USP36: variants seen among roughly 807,000 people sequenced by gnomAD.
USP36 encodes ubiquitin specific peptidase 36, also known as ubiquitin carboxyl-terminal hydrolase 36.
A neutral mutation model predicts 111.5 loss-of-function variants in USP36; 59 were observed. The observed-to-expected ratio is 0.53, with a 90% CI of 0.43 to 0.66. The LOEUF (loss-of-function observed/expected upper bound fraction) is 0.66. USP36 is among the 30% of genes least tolerant of loss of function. The pLI is 0.00. For missense variants in USP36, 1,488 were observed against 1,468.0 expected (o/e 1.01, Z -0.22); for synonymous variants, 628 against 581.0 (o/e 1.08, Z -1.16).
rs1022644466 is a variant in USP36 at position 78,797,345 on chromosome 17, G to A, written c.*555C>T. On this transcript the variant is annotated 3_prime_UTR_variant, in exon 21 of 21. Transcript: ENST00000449938. ...CCTCTCGAGTTCCATAAAAGGGAGAGGTGGCTGGGTGGGGTCACCTCTTCC... is the reference window on the plus strand; with the variant it reads ...CCTCTCGAGTTCCATAAAAGGGAGAAGTGGCTGGGTGGGGTCACCTCTTCC... The A allele has an allele frequency of 3.9e-5, 6 of 152,268 alleles. No individual in the cohort carries two copies. The highest frequency in any genetic ancestry group is 8.8e-5 in the Non-Finnish European group (6 of 68,060). 9.4% of individuals were successfully genotyped at this position (152,268 alleles called of 1,614,324 possible).
chr17:78,815,722 G>A (rs996368634), intron 10 of USP36, among the ~76,000 whole-genome samples: 6 of 151,508 alleles, frequency 4.0e-5, no homozygotes, highest in Non-Finnish European at 8.8e-5. Flanking sequence ...AAAAATACAC[G>A]CACACATATA....
intron 3 of USP36, among the ~76,000 whole-genome samples, chr17:78,787,847 G>C (rs1391189231): frequency 2.0e-5 from 3 of 152,216 alleles, no homozygotes; most frequent in Non-Finnish European, 2.9e-5. Context: ...ATTAGGGTGG[G>C]ACCTAATCAA....
downstream of USP36, among the ~76,000 whole-genome samples, chr17:78,793,607 C>T (rs762023456): frequency 3.9e-5 from 6 of 152,156 alleles, no homozygotes; most frequent in Admixed American, 6.5e-5. Flanking sequence ...CTGCATGTCA[C>T]GTGACCTGTC....
chr17:78,841,178 C>T (rs540585589), upstream of USP36: 33 of 152,434 alleles, frequency 2.2e-4, no homozygotes, highest in South Asian at 8.3e-4. Context: ...CGCCCCAGAA[C>T]GGGGACTCGA....
chr17:78,839,720 C>T (rs1051857407), intron 1 of USP36, among the ~76,000 whole-genome samples: 1 of 152,222 alleles, frequency 6.6e-6, no homozygotes, highest in Non-Finnish European at 1.5e-5. Context: ...CCACCTAAAA[C>T]ATTAAGCAAT....
intron 10 of USP36, among the ~76,000 whole-genome samples, chr17:78,815,161 G>A (rs1316147560): frequency 1.3e-5 from 2 of 151,926 alleles, no homozygotes; most frequent in African/African-American, 2.4e-5. Flanking sequence ...GCGAAACCTT[G>A]TCTCTACTAA....
At chr17:78,802,690 C>T (rs1403942232) in intron 16 of USP36, among the ~76,000 whole-genome samples, 155 bp from the exon 17 acceptor site, 8 of 152,166 alleles carry the variant, frequency 5.3e-5, no homozygotes, top group Non-Finnish European at 1.0e-4. Context: ...CACGCATTAG[C>T]GGACGCTCCA....
rs1231781818 is a variant in USP36 at position 78,806,887 on chromosome 17, C to T, written c.2085+72G>A. On this transcript the variant is annotated intron_variant, in intron 14 of 20. Coordinates refer to ENST00000449938, the MANE Select transcript of USP36 (RefSeq NM_001385174.1). ...AGCCCCCGGACAATGTTCTCACTCC[C>T]TTCAAACCACAACCAAGCAACTCTT... 2.7e-5 allele frequency: 43 copies of T among 1,564,090 alleles called. 1 individual carries two copies. Among genetic ancestry groups the T allele is most frequent in the Admixed American group, 2.3e-4 (13 of 55,486 alleles).
intron 6 of USP36, chr17:78,823,320 T>C: frequency 2.5e-6 from 1 of 397,088 alleles, no homozygotes; most frequent in Non-Finnish European, 4.4e-6. Flanking sequence ...CTGCGTGTGA[T>C]GGCGGCTACC....
intron 15 of USP36, among the ~76,000 whole-genome samples, chr17:78,805,440 T>C (rs1395374289): frequency 6.6e-6 from 1 of 152,136 alleles, no homozygotes; most frequent in Non-Finnish European, 1.5e-5. Context: ...CTCGCCCTCA[T>C]GTAGCACTGG....
At chr17:78,806,827 A>G (rs2093914910) in intron 14 of USP36, 132 bp downstream of exon 14, 1 of 1,299,712 alleles carries the variant, frequency 7.7e-7, no homozygotes, top group South Asian at 1.4e-5. Context: ...GAACGACTAA[A>G]AGACACTTTG....
chr17:78,799,415 TG>T (rs761477663), intron 18 of USP36, among the ~76,000 whole-genome samples: 4 of 152,160 alleles, frequency 2.6e-5, no homozygotes, highest in Non-Finnish European at 5.9e-5. Context: ...ACAGCATGTG[TG>T]GGGCTCCTCA....
intron 15 of USP36, 32 bp downstream of exon 15, chr17:78,806,124 T>C (rs1436011461): frequency 3.7e-6 from 6 of 1,611,658 alleles, no homozygotes; most frequent in Non-Finnish European, 5.1e-6. Flanking sequence ...GAGAACCAGT[T>C]GGCACCCAGA....
At chr17:78,802,064 C>T (rs1203483272) in intron 17 of USP36, among the ~76,000 whole-genome samples, 3 of 151,942 alleles carry the variant, frequency 2.0e-5, no homozygotes, top group Non-Finnish European at 2.9e-5. Flanking sequence ...TCCCCAATAC[C>T]CCCTCACCCG....
chr17:78,840,159 A>C (rs968349515), intron 1 of USP36, among the ~76,000 whole-genome samples: 1 of 152,064 alleles, frequency 6.6e-6, no homozygotes, highest in Non-Finnish European at 1.5e-5. Flanking sequence ...GGCGAGCGTT[A>C]CGTAAACGGG....
chr17:78,802,248 T>G, intron 17 of USP36, 76 bp downstream of exon 17: 8 of 1,197,932 alleles, frequency 6.7e-6, no homozygotes, highest in Non-Finnish European at 8.7e-6. Context: ...CCTCGCCCGG[T>G]GCACACCCAT....
Position 78,822,005 on chromosome 17 carries a change from C to T in USP36, c.690-1G>A. 1 of 1,614,118 alleles carries T rather than the reference C, an allele frequency of 6.2e-7. No homozygotes were observed. Among genetic ancestry groups the T allele is most frequent in the South Asian group, 1.1e-5 (1 of 91,084 alleles). Reference sequence around the variant, plus strand: ...AGTAGCCTGCGTTTGACGATCCAACCTGAAAAGGAGACCCCAGCCTTTAAG... The same window carrying T: ...AGTAGCCTGCGTTTGACGATCCAACTTGAAAAGGAGACCCCAGCCTTTAAG... On this transcript the variant is annotated splice_acceptor_variant, in intron 6 of 20. Transcript: ENST00000449938. LOFTEE classifies it high-confidence loss of function.
At chr17:78,806,395 A>G in intron 14 of USP36, 109 bp from the exon 15 acceptor site, 1 of 1,462,346 alleles carries the variant, frequency 6.8e-7, no homozygotes, top group Non-Finnish European at 9.2e-7. Context: ...AAGAGCCCAG[A>G]AAAAAAGATG....
rs961052256 is a variant in USP36 at position 78,803,002 on chromosome 17, G to A, written c.2810+383C>T. 1.3e-5 allele frequency among the ~76,000 whole-genome samples: 2 copies of A among 151,850 alleles called. No homozygotes were observed. Among genetic ancestry groups the A allele is most frequent in the African/African-American group, 4.8e-5 (2 of 41,288 alleles). ...CACCCAGGCTGTAGTGCAGTGACGC[G>A]ATCTCAGCTCACTGCAACCTCCACC... On this transcript the variant is annotated intron_variant, in intron 16 of 20. Transcript: ENST00000449938. This position sits in a 1 kb window ranked among gnomAD's most constrained non-coding sequence, Gnocchi z 4.6.
Sources: gnomAD v4.1 joint callset for allele counts (sites outside exome capture counted in the v4.1 genomes callset) on GRCh38, gnomAD v4.1.1 for gene constraint, Gnocchi (gnomAD v3.1) non-coding constraint, MANE v1.5 for transcripts, NCBI Gene and HGNC (gene_info 2026-07-23, HGNC 2026-07-21) for gene names.